NEURL2: variants seen among roughly 807,000 people sequenced by gnomAD.
NEURL2 encodes the protein neuralized E3 ubiquitin protein ligase 2, also known as neuralized-like protein 2.
In NEURL2, 16 loss-of-function variants were observed where a neutral mutation model predicts 15.9. The ratio of observed to expected loss-of-function variants is 1.01; its 90% CI spans 0.68 to 1.53. NEURL2 has a LOEUF of 1.53. Among genes scored for constraint, NEURL2 ranks in the 40% most tolerant of loss-of-function variants. The probability of loss-of-function intolerance (pLI) is 0.00; values close to 1 mark genes in which losing one functional copy is unlikely to be tolerated. For synonymous variants in NEURL2, 188 were observed against 178.3 expected, an observed-to-expected ratio of 1.05 and a Z score of -0.43; for missense variants, 393 against 407.8, an observed-to-expected ratio of 0.96 and a Z score of 0.31.
rs766087342 is a variant in NEURL2, at chr20:45,890,828, A to G, written c.164T>C (p.Phe55Ser). ...RVESFAHGVCFSREPLAPGQV... is the reference protein window; with the variant it reads ...RVESFAHGVCSSREPLAPGQV... ...GCCCGGGGCCAGCGGCTCGCGGCTG[A>G]AGCACACGCCGTGGGCGAAGCTCTC... is the stretch of plus-strand genomic sequence containing the variant. The change falls in exon 1 of 2, where the codon TTC (phenylalanine) becomes TCC (serine). Residue 55 changes from phenylalanine (F) to serine (S), a missense_variant. Physicochemically the swap from Phe to Ser is radical, Grantham distance 155. Coordinates refer to ENST00000372518, the MANE Select transcript of NEURL2 (RefSeq NM_080749.4). 16 of 1,572,050 alleles carry G rather than the reference A, an allele frequency of 1.0e-5. 1 individual carries two copies. The South Asian group carries it at 1.9e-4, about 18-fold the overall frequency.
chr20:45,890,776 C>T lies in NEURL2; in HGVS notation c.216G>A (p.Glu72=), dbSNP rs777466523. ...GATGTCCGCACCAGCCCAGCTCTTTCTCCTCGATCTCGACCAGGAAGACCT... is the reference window on the plus strand; with the variant it reads ...GATGTCCGCACCAGCCCAGCTCTTTTTCCTCGATCTCGACCAGGAAGACCT... ...PGQVFLVEIE[E]KELGWCGHLR... is the part of the protein sequence containing the mutation. Residue 72 remains glutamate, a synonymous_variant, in exon 1 of 2, where the codon GAG becomes GAA. Coordinates refer to ENST00000372518, the MANE Select transcript of NEURL2 (RefSeq NM_080749.4). 1.9e-6 allele frequency: 3 copies of T among 1,608,584 alleles called. No homozygotes were observed. The highest frequency in any genetic ancestry group is 2.2e-5 in the South Asian group (2 of 90,752).
chr20:45,891,170 C>A lies in NEURL2; in HGVS notation c.-179G>T. ...CCGCCTACAACTTAGCCGTCCACAA[C>A]AGGATCATCTGATCGCGTGCGCCCG... is the stretch of plus-strand genomic sequence containing the variant. On this transcript the variant is annotated 5_prime_UTR_variant, in exon 1 of 2. Transcript: ENST00000372518. This position sits in a 1 kb window ranked among gnomAD's most constrained non-coding sequence, Gnocchi z 4.6. The A allele has an allele frequency of 1.9e-6, 2 of 1,027,896 alleles. No individual in the cohort carries two copies. Among genetic ancestry groups the A allele is most frequent in the East Asian group, 2.6e-5 (1 of 38,290 alleles). 63.7% of individuals were successfully genotyped at this position (1,027,896 alleles called of 1,614,324 possible). A position where few individuals can be genotyped will look rare whatever the true frequency, so the allele number is the denominator to read the frequency against.
chr20:45,888,994 T>C (rs2145806724), intron 1 of NEURL2, 121 bp from the exon 2 acceptor site: 3 of 1,141,926 alleles, frequency 2.6e-6, no homozygotes, highest in East Asian at 5.1e-5. Flanking sequence ...CTTACTGCTC[T>C]CTGGGCCCAG....
intron 1 of NEURL2, among the ~76,000 whole-genome samples, chr20:45,889,511 C>T (rs1986639055): frequency 6.6e-6 from 1 of 152,108 alleles, no homozygotes; most frequent in African/African-American, 2.4e-5. Flanking sequence ...CACCACCATG[C>T]CCAGATAATT....
chr20:45,890,823 G>A lies in NEURL2; in HGVS notation c.169C>T (p.Arg57Cys), dbSNP rs998582224. The A allele has an allele frequency of 1.9e-6, 3 of 1,574,174 alleles. No homozygotes were observed. Among genetic ancestry groups the A allele is most frequent in the Admixed American group, 3.6e-5 (2 of 55,308 alleles). ...ESFAHGVCFS[R>C]EPLAPGQVFL... Reference sequence around the variant, plus strand: ...ACCTGGCCCGGGGCCAGCGGCTCGCGGCTGAAGCACACGCCGTGGGCGAAG... The same window carrying A: ...ACCTGGCCCGGGGCCAGCGGCTCGCAGCTGAAGCACACGCCGTGGGCGAAG... Residue 57 changes from arginine to cysteine, a missense_variant, in exon 1 of 2, where the codon CGC becomes TGC. Coordinates refer to ENST00000372518, the MANE Select transcript of NEURL2 (RefSeq NM_080749.4).
In NEURL2 at chr20:45,890,270, A is replaced by G. The variant is rs1447321272; in HGVS notation, c.722T>C (p.Leu241Pro). The change falls in exon 1 of 2, where the codon CTT becomes CCT. Residue 241 changes from leucine (L) to proline (P), a missense_variant. Leu to Pro is a moderately conservative substitution (Grantham distance 98). Coordinates refer to ENST00000372518, the MANE Select transcript of NEURL2 (RefSeq NM_080749.4). Reference protein sequence around the residue: ...DVFASTKSVRLVQLEYGLPSL... With the variant: ...DVFASTKSVRPVQLEYGLPSL... ...CCTACAGCCATACTCGAGCTGGACA[A>G]GGCGCACGCTCTTTGTGGAAGCAAA... 6.2e-7 allele frequency: 1 copy of G among 1,613,792 alleles called. No individual in the cohort carries two copies. Among genetic ancestry groups the G allele is most frequent in the African/African-American group, 1.3e-5 (1 of 75,042 alleles).
Position 45,890,474 on chromosome 20 carries a change from T to A in NEURL2, c.518A>T (p.Asp173Val), listed in dbSNP as rs1986721335. 1 of 1,600,654 alleles carries A rather than the reference T, an allele frequency of 6.2e-7. No individual in the cohort carries two copies. Among genetic ancestry groups the A allele is most frequent in the Admixed American group, 1.7e-5 (1 of 58,962 alleles). ...CAGCACGTTCAGCTCATAGAGCTGGTCCAAGAGATGGCTGTAGAGCCCTGG... is the reference window on the plus strand; with the variant it reads ...CAGCACGTTCAGCTCATAGAGCTGGACCAAGAGATGGCTGTAGAGCCCTGG... Reference protein sequence around the residue: ...SRPGLYSHLLDQLYELNVLPP... With the variant: ...SRPGLYSHLLVQLYELNVLPP... Residue 173 changes from aspartate to valine, a missense_variant, in exon 1 of 2, where the codon GAC becomes GTC. Coordinates refer to ENST00000372518, the MANE Select transcript of NEURL2 (RefSeq NM_080749.4).
chr20:45,888,682 T>C lies in NEURL2; in HGVS notation c.*76A>G, dbSNP rs1986576019. The C allele has an allele frequency of 1.4e-6, 2 of 1,434,742 alleles. No individual in the cohort carries two copies. Among genetic ancestry groups the C allele is most frequent in the African/African-American group, 2.8e-5 (2 of 71,492 alleles). The allele number at this position is 1,434,742 out of a possible 1,614,324, so 88.9% of individuals were successfully genotyped here. On this transcript the variant is annotated 3_prime_UTR_variant, in exon 2 of 2. Coordinates refer to ENST00000372518, the MANE Select transcript of NEURL2 (RefSeq NM_080749.4). Reference sequence around the variant, plus strand: ...TATTTCTGGTCTTGGCTGGCAGCAATGTGGCCAACTTCGGACCAGCCAGCC... The same window carrying C: ...TATTTCTGGTCTTGGCTGGCAGCAACGTGGCCAACTTCGGACCAGCCAGCC...
In NEURL2 at chr20:45,890,770, C is replaced by T; in HGVS notation, c.222G>A (p.Glu74=). The T allele has an allele frequency of 1.2e-6, 2 of 1,610,332 alleles. No homozygotes were observed. Among genetic ancestry groups the T allele is most frequent in the East Asian group, 4.5e-5 (2 of 44,792 alleles). ...QVFLVEIEEK[E]LGWCGHLRLG... ...GACGCAGATGTCCGCACCAGCCCAG[C>T]TCTTTCTCCTCGATCTCGACCAGGA... Residue 74 remains glutamate (E), a synonymous_variant, in exon 1 of 2, where the codon GAG becomes GAA. Transcript: ENST00000372518.
At position 45,890,377 on chromosome 20, in the gene NEURL2, G is replaced by A. The variant is rs892577789; in HGVS notation, c.615C>T (p.His205=). The A allele has an allele frequency of 6.2e-7, 1 of 1,612,836 alleles. No homozygotes were observed. Among genetic ancestry groups the A allele is most frequent in the Non-Finnish European group, 8.5e-7 (1 of 1,179,996 alleles). ...CPRPDGTADM[H]IIINGEDMGP... ...CCATGTCCTCGCCGTTGATGATGAT[G>A]TGCATGTCGGCCGTGCCATCGGGGC... The change falls in exon 1 of 2, where the codon CAC becomes CAT. Residue 205 remains histidine, a synonymous_variant. Coordinates refer to ENST00000372518, the MANE Select transcript of NEURL2 (RefSeq NM_080749.4).
At chr20:45,889,702 C>T (rs1179715413) in intron 1 of NEURL2, among the ~76,000 whole-genome samples, 1 of 149,710 alleles carries the variant, frequency 6.7e-6, no homozygotes, top group Non-Finnish European at 1.5e-5. Context: ...CAACCTCCAC[C>T]TCTCGGGTTC....
intron 1 of NEURL2, among the ~76,000 whole-genome samples, chr20:45,889,421 C>G (rs1348025170): frequency 6.6e-6 from 1 of 151,530 alleles, no homozygotes; most frequent in Non-Finnish European, 1.5e-5. Flanking sequence ...GTGCAGTGCT[C>G]AGTGAACTGC....
Position 45,888,695 on chromosome 20 carries a change from G to T in NEURL2, c.*63C>A. 3 of 1,556,506 alleles carry T rather than the reference G, an allele frequency of 1.9e-6. No individual in the cohort carries two copies. The highest frequency in any genetic ancestry group is 2.6e-6 in the Non-Finnish European group (3 of 1,135,490). ...GGCTGGCAGCAATGTGGCCAACTTC[G>T]GACCAGCCAGCCACAGGTCTGGGGC... On this transcript the variant is annotated 3_prime_UTR_variant, in exon 2 of 2. Transcript: ENST00000372518.
At position 45,890,332 on chromosome 20, in the gene NEURL2, C is replaced by T. The variant is rs772411777; in HGVS notation, c.660G>A (p.Leu220=). Residue 220 remains leucine, a synonymous_variant, in exon 1 of 2, where the codon CTG becomes CTA. Transcript: ENST00000372518. The part of the protein sequence containing the change: ...GEDMGPSARG[L]PAAQPLYAVV... ...CCGCGTAGAGGGGCTGCGCAGCTGG[C>T]AGTCCCCGGGCGCTCGGGCCCATGT... 1 of 1,613,182 alleles carries T rather than the reference C, an allele frequency of 6.2e-7. No individual in the cohort carries two copies. The highest frequency in any genetic ancestry group is 8.5e-7 in the Non-Finnish European group (1 of 1,180,044).
Position 45,890,576 on chromosome 20 carries a change from G to A in NEURL2, c.416C>T (p.Pro139Leu), listed in dbSNP as rs776450846. ...EAEAAAPSRP[P>L]TLLVEPYLRI... is the part of the protein sequence containing the mutation. ...CAGATATGGTTCCACGAGGAGGGTT[G>A]GAGGTCGGCTGGGGGCCGCTGCCTC... Residue 139 changes from proline to leucine, a missense_variant, in exon 1 of 2, where the codon CCA becomes CTA. Coordinates refer to ENST00000372518, the MANE Select transcript of NEURL2 (RefSeq NM_080749.4). 6 of 1,612,254 alleles carry A rather than the reference G, an allele frequency of 3.7e-6. No individual in the cohort carries two copies. In the East Asian group the frequency reaches 1.3e-4, roughly 36 times the overall value.
chr20:45,890,688 G>T lies in NEURL2; in HGVS notation c.304C>A (p.Pro102Thr), dbSNP rs1326845492. 1 of 1,613,756 alleles carries T rather than the reference G, an allele frequency of 6.2e-7. No homozygotes were observed. The highest frequency in any genetic ancestry group is 1.1e-5 in the South Asian group (1 of 91,086). ...SLAPVPEFSL[P>T]DLVNLGHTWV... ...GTGTGGCCCAGGTTGACCAGATCGG[G>T]CAGAGAAAACTCGGGAACGGGGGCC... is the stretch of plus-strand genomic sequence containing the variant. The change falls in exon 1 of 2, where the codon CCC becomes ACC. Residue 102 changes from proline to threonine, a missense_variant. Pro to Thr is a conservative substitution (Grantham distance 38, BLOSUM62 -1). Coordinates refer to ENST00000372518, the MANE Select transcript of NEURL2 (RefSeq NM_080749.4).
In NEURL2 at chr20:45,890,965, ATCCACGGGCTCGGAGG is replaced by A. The variant is rs1200014397; in HGVS notation, c.11_26del (p.Ala4ValfsTer77). 1 of 1,501,262 alleles carries A rather than the reference ATCCACGGGCTCGGAGG, an allele frequency of 6.7e-7. No individual in the cohort carries two copies. The highest frequency in any genetic ancestry group is 1.3e-5 in the South Asian group (1 of 76,382). The allele number at this position is 1,501,262 out of a possible 1,614,324, so 93.0% of individuals were successfully genotyped here. A position where few individuals can be genotyped will look rare whatever the true frequency, so the allele number is the denominator to read the frequency against. On this transcript the variant is annotated frameshift_variant, in exon 1 of 2. Transcript: ENST00000372518. LOFTEE classifies it high-confidence loss of function. ...GCTCGAGTCCCCAGAGTGCACCCGA[ATCCACGGGCTCGGAGG>A]CAGCAGCCATCTCTCGGCCATAGGG...
rs769677090 is a variant in NEURL2 at position 45,890,539 on chromosome 20, C to T, written c.453G>A (p.Gln151=). The change falls in exon 1 of 2, where the codon CAG becomes CAA. Residue 151 remains glutamine (Q), a synonymous_variant. Transcript: ENST00000372518. The part of the protein sequence containing the change: ...LLVEPYLRIE[Q]FRIPRDRLVG... ...CCAGGCGGTCCCGGGGAATGCGAAA[C>T]TGCTCAATGCGCAGATATGGTTCCA... The T allele has an allele frequency of 5.0e-6, 8 of 1,609,150 alleles. No homozygotes were observed. The highest frequency in any genetic ancestry group is 6.8e-6 in the Non-Finnish European group (8 of 1,177,598).
Position 45,891,208 on chromosome 20 carries a change from C to T in NEURL2, c.-217G>A. On this transcript the variant is annotated 5_prime_UTR_variant, in exon 1 of 2. Transcript: ENST00000372518. The surrounding 1 kb of genome is among the most constrained non-coding windows in gnomAD (Gnocchi z 4.6). ...TCGCGTGCGCCCGGGCTACGATCTGCGAGGCCCGCGGACCTTGACCCGGCA... is the reference window on the plus strand; with the variant it reads ...TCGCGTGCGCCCGGGCTACGATCTGTGAGGCCCGCGGACCTTGACCCGGCA... The T allele has an allele frequency of 8.8e-7, 1 of 1,131,730 alleles. No individual in the cohort carries two copies. The highest frequency in any genetic ancestry group is 1.3e-6 in the Non-Finnish European group (1 of 772,568). 70.1% of individuals were successfully genotyped at this position (1,131,730 alleles called of 1,614,324 possible). A position where few individuals can be genotyped will look rare whatever the true frequency, so the allele number is the denominator to read the frequency against.
Sources: gnomAD v4.1 joint callset for allele counts (sites outside exome capture counted in the v4.1 genomes callset) on GRCh38, gnomAD v4.1.1 for gene constraint, Gnocchi (gnomAD v3.1) non-coding constraint, MANE v1.5 for transcripts, NCBI Gene and HGNC (gene_info 2026-07-23, HGNC 2026-07-21) for gene names.